Variants in CDKAL1 observed in about 807,000 individuals in gnomAD.
CDKAL1 encodes the protein threonylcarbamoyladenosine tRNA methylthiotransferase.
Under a neutral mutation model 68.2 loss-of-function variants are expected in CDKAL1, and 32 were observed. That is an observed-to-expected ratio of 0.47 (90% confidence interval 0.35 to 0.63). The LOEUF is 0.63. Ranked by LOEUF, CDKAL1 falls within the 30% of genes least tolerant of loss-of-function variation. CDKAL1 has a pLI of 0.00. For synonymous variants in CDKAL1, 234 were observed against 244.3 expected (o/e 0.96, Z 0.39); for missense variants, 606 against 696.7 (o/e 0.87, Z 1.47).
intron 5 of CDKAL1, among the ~76,000 whole-genome samples, chr6:20,649,792 C>T (rs1006963991): frequency 1.3e-4 from 20 of 152,162 alleles, no homozygotes; most frequent in African/African-American, 4.8e-4. Flanking sequence ...TTGTTCAGCT[C>T]CCACTTGTAA....
chr6:21,229,919 G>T (rs1045375681), intron 15 of CDKAL1, among the ~76,000 whole-genome samples: 2 of 152,192 alleles, frequency 1.3e-5, no homozygotes, highest in African/African-American at 4.8e-5. Flanking sequence ...ACTGAGAAAA[G>T]CTGCACAGTC....
At chr6:21,016,760 A>C (rs1471082876) in intron 11 of CDKAL1, among the ~76,000 whole-genome samples, 1 of 151,562 alleles carries the variant, frequency 6.6e-6, no homozygotes, top group Non-Finnish European at 1.5e-5. Context: ...CACCCAATCT[A>C]CTCTGGCACC....
At chr6:20,806,220 A>G (rs1384107763) in intron 8 of CDKAL1, among the ~76,000 whole-genome samples, 3 of 152,148 alleles carry the variant, frequency 2.0e-5, no homozygotes, top group Admixed American at 2.0e-4. Flanking sequence ...CCCTCTTATT[A>G]GTGAGAACCT....
chr6:21,203,887 T>C (rs1283307483), intron 15 of CDKAL1, among the ~76,000 whole-genome samples: 2 of 151,910 alleles, frequency 1.3e-5, no homozygotes, highest in African/African-American at 4.8e-5. Flanking sequence ...TTTGATGAAA[T>C]TGATGAGAGG....
At chr6:21,191,377 A>T (rs1009490172) in intron 13 of CDKAL1, among the ~76,000 whole-genome samples, 4 of 152,258 alleles carry the variant, frequency 2.6e-5, no homozygotes, top group African/African-American at 7.2e-5. Context: ...AAATTTAAGC[A>T]TAGATGTGAC....
chr6:20,729,681 A>C (rs984757695), intron 5 of CDKAL1, among the ~76,000 whole-genome samples: 5 of 152,178 alleles, frequency 3.3e-5, no homozygotes, highest in Non-Finnish European at 7.4e-5. Context: ...TGAAGCAGAG[A>C]GAGGTTAAGT....
At chr6:20,779,837 A>C (rs1775337173) in intron 7 of CDKAL1, among the ~76,000 whole-genome samples, 1 of 152,202 alleles carries the variant, frequency 6.6e-6, no homozygotes, top group Non-Finnish European at 1.5e-5. Context: ...CTGGGATTAC[A>C]GGTGTGAGCA....
chr6:20,581,331 T>A (rs1263172333), intron 4 of CDKAL1, among the ~76,000 whole-genome samples: 1 of 152,106 alleles, frequency 6.6e-6, no homozygotes, highest in Admixed American at 6.5e-5. Flanking sequence ...TTTCATAGAG[T>A]CCATGCAATA....
At chr6:20,934,645 G>A (rs2150681352) in intron 9 of CDKAL1, among the ~76,000 whole-genome samples, 1 of 152,076 alleles carries the variant, frequency 6.6e-6, no homozygotes, top group South Asian at 2.1e-4. Context: ...AGGAGTTCAA[G>A]ACCAGGCATG....
At chr6:21,117,562 A>G (rs1012373223) in intron 13 of CDKAL1, among the ~76,000 whole-genome samples, 2 of 152,088 alleles carry the variant, frequency 1.3e-5, no homozygotes, top group Non-Finnish European at 2.9e-5. Flanking sequence ...GCTTAACCCC[A>G]GGAGCTGGTG....
intron 9 of CDKAL1, among the ~76,000 whole-genome samples, chr6:20,865,367 A>G (rs931226851): frequency 9.2e-5 from 14 of 152,170 alleles, no homozygotes; most frequent in African/African-American, 3.4e-4. Flanking sequence ...TGGAATTGCC[A>G]TCACAATGCT....
At chr6:20,653,770 A>G (rs1581902123) in intron 5 of CDKAL1, among the ~76,000 whole-genome samples, 1 of 151,934 alleles carries the variant, frequency 6.6e-6, no homozygotes, top group East Asian at 1.9e-4. Flanking sequence ...GTGCACCACC[A>G]CACCCAGCTA....
intron 15 of CDKAL1, among the ~76,000 whole-genome samples, chr6:21,226,906 G>T (rs1198398014): frequency 6.6e-6 from 1 of 152,190 alleles, no homozygotes; most frequent in Admixed American, 6.5e-5. Flanking sequence ...TAGAGACGGG[G>T]TTTCACCGTG....
chr6:21,123,645 C>G (rs1774839876), intron 13 of CDKAL1, among the ~76,000 whole-genome samples: 1 of 152,220 alleles, frequency 6.6e-6, no homozygotes, highest in African/African-American at 2.4e-5. Flanking sequence ...CTGAAGCATT[C>G]TTGTTCTTGC....
chr6:20,983,407 T>C (rs568277236), intron 10 of CDKAL1, among the ~76,000 whole-genome samples: 2 of 152,310 alleles, frequency 1.3e-5, no homozygotes, highest in Non-Finnish European at 2.9e-5. Flanking sequence ...TAATATTACA[T>C]GTATTTTATA....
At chr6:21,006,367 A>G (rs890752281) in intron 11 of CDKAL1, among the ~76,000 whole-genome samples, 3 of 152,224 alleles carry the variant, frequency 2.0e-5, no homozygotes, top group Non-Finnish European at 4.4e-5. Flanking sequence ...ATGCATTCCC[A>G]GATGTGTTTC....
chr6:20,737,381 T>C (rs1029536236), intron 5 of CDKAL1, among the ~76,000 whole-genome samples: 3 of 152,260 alleles, frequency 2.0e-5, no homozygotes, highest in Admixed American at 2.0e-4. Context: ...GCACTTGTCT[T>C]CTTCATTACC....
At chr6:20,722,545 T>A in intron 5 of CDKAL1, 5 of 324,564 alleles carry the variant, frequency 1.5e-5, no homozygotes, top group Non-Finnish European at 2.9e-5. Context: ...TAATGCTGCT[T>A]ACCCTGGGCA....
intron 8 of CDKAL1, among the ~76,000 whole-genome samples, chr6:20,799,040 G>GTTT (rs754008816): frequency 0.049 from 2,303 of 47,334 alleles, 719 homozygotes; most frequent in East Asian, 0.26. Context: ...AAAGAACTGA[G>GTTT]TTTTTTTTTT....
Sources: allele counts gnomAD v4.1 joint callset (sites outside exome capture counted in the v4.1 genomes callset), GRCh38; gene constraint gnomAD v4.1.1; transcripts MANE v1.5; gene names NCBI Gene and HGNC (gene_info 2026-07-23, HGNC 2026-07-21).